The following ABLIM2 variants were observed in gnomAD, a reference collection of about 807,000 sequenced individuals.
ABLIM2 encodes actin-binding LIM protein 2.
A neutral mutation model predicts 97.7 loss-of-function variants in ABLIM2; 53 were observed. That is an observed-to-expected ratio of 0.54 (90% CI 0.44 to 0.68). ABLIM2 has a LOEUF of 0.68. Ranked by LOEUF, ABLIM2 falls within the 30% of genes least tolerant of loss-of-function variation. ABLIM2 has a pLI of 0.00. For missense variants in ABLIM2, 835 were observed against 867.2 expected, an observed-to-expected ratio of 0.96 and a Z score of 0.47; for synonymous variants, 361 against 345.8, an observed-to-expected ratio of 1.04 and a Z score of -0.49.
At chr4:8,156,920 T>C (rs1032185246) in intron 1 of ABLIM2, among the ~76,000 whole-genome samples, 1 of 152,188 alleles carries the variant, frequency 6.6e-6, no homozygotes, top group East Asian at 1.9e-4. Flanking sequence ...GGGCGACAGG[T>C]GGCCCGGAGA....
At chr4:8,007,992 T>G in intron 16 of ABLIM2, 67 bp downstream of exon 16, 1 of 1,595,586 alleles carries the variant, frequency 6.3e-7, no homozygotes. Context: ...AGCTCTGAGT[T>G]CTGGGGCCTC....
Position 8,023,579 on chromosome 4 carries a change from T to C in ABLIM2, c.1268-3276A>G, listed in dbSNP as rs1483776799. Among the ~76,000 whole-genome samples, 1 of 152,144 alleles carries C rather than the reference T, an allele frequency of 6.6e-6. No homozygotes were observed. The highest frequency in any genetic ancestry group is 1.5e-5 in the Non-Finnish European group (1 of 68,034). On this transcript the variant is annotated intron_variant, in intron 12 of 20. Transcript: ENST00000447017. This position sits in a 1 kb window ranked among gnomAD's most constrained non-coding sequence, Gnocchi z 5.7. ...ATGCTCGTCAGCCATGGTGGCCTGCTCCACGGTGGACTTGCTCCTTCTCTC... is the reference window on the plus strand; with the variant it reads ...ATGCTCGTCAGCCATGGTGGCCTGCCCCACGGTGGACTTGCTCCTTCTCTC...
Position 8,120,149 on chromosome 4 carries a change from G to A in ABLIM2, c.11-13512C>T, listed in dbSNP as rs1844672404. Reference sequence around the variant, plus strand: ...TCTGGGAGGCAGGAAGAGAAAAACAGCCCAGCGGCCACGCTGCCCCTTCCT... The same window carrying A: ...TCTGGGAGGCAGGAAGAGAAAAACAACCCAGCGGCCACGCTGCCCCTTCCT... On this transcript the variant is annotated intron_variant, in intron 1 of 20. Coordinates refer to ENST00000447017, the MANE Select transcript of ABLIM2 (RefSeq NM_001130083.2). The surrounding 1 kb of genome is among the most constrained non-coding windows in gnomAD (Gnocchi z 5.6). Among the ~76,000 whole-genome samples the A allele has an allele frequency of 6.6e-6, 1 of 152,138 alleles. No homozygotes were observed. Among genetic ancestry groups the A allele is most frequent in the Admixed American group, 6.5e-5 (1 of 15,276 alleles).
At chr4:8,135,577 G>T (rs370193584) in intron 1 of ABLIM2, among the ~76,000 whole-genome samples, 2 of 152,350 alleles carry the variant, frequency 1.3e-5, no homozygotes, top group African/African-American at 2.4e-5. Flanking sequence ...CCAGGAAGCA[G>T]TCCTTTCCAG....
At position 8,127,221 on chromosome 4, in the gene ABLIM2, C is replaced by T. The variant is rs1848371923; in HGVS notation, c.11-20584G>A. Among the ~76,000 whole-genome samples, 2 of 152,150 alleles carry T rather than the reference C, an allele frequency of 1.3e-5. No homozygotes were observed. Among genetic ancestry groups the T allele is most frequent in the Non-Finnish European group, 2.9e-5 (2 of 68,028 alleles). On this transcript the variant is annotated intron_variant, in intron 1 of 20. Transcript: ENST00000447017. The surrounding 1 kb of genome is among the most constrained non-coding windows in gnomAD (Gnocchi z 7.3). ...GCTGTGGTCAGTGGGTGCTGGAGTC[C>T]AGACGCAGCTCCGATACCAGCACCG...
chr4:8,109,889 C>G (rs1287368773), intron 1 of ABLIM2, among the ~76,000 whole-genome samples: 1 of 152,256 alleles, frequency 6.6e-6, no homozygotes, highest in East Asian at 1.9e-4. Flanking sequence ...CGTGGCCTTT[C>G]TCACTCTGGT....
chr4:8,111,560 G>C (rs79883273), intron 1 of ABLIM2, among the ~76,000 whole-genome samples: 7,413 of 152,314 alleles, frequency 0.049, 276 homozygotes, highest in Middle Eastern at 0.11. Flanking sequence ...GACGGGATGG[G>C]AGCACATCGG....
In ABLIM2 at chr4:8,122,918, G is replaced by A. The variant is rs537231488; in HGVS notation, c.11-16281C>T. On this transcript the variant is annotated intron_variant, in intron 1 of 20. Coordinates refer to ENST00000447017, the MANE Select transcript of ABLIM2 (RefSeq NM_001130083.2). This position sits in a 1 kb window ranked among gnomAD's most constrained non-coding sequence, Gnocchi z 4.1. ...GGGATGGGAGAGGGAGAGGGGTGAG[G>A]GGCGAACCAGCCCTAGGGGTGGCAA... Among the ~76,000 whole-genome samples, 31 of 152,178 alleles carry A rather than the reference G, an allele frequency of 2.0e-4. No individual in the cohort carries two copies. Among genetic ancestry groups the A allele is most frequent in the African/African-American group, 7.2e-4 (30 of 41,502 alleles).
intron 1 of ABLIM2, among the ~76,000 whole-genome samples, chr4:8,119,020 C>A (rs1312105366): frequency 1.3e-5 from 2 of 152,196 alleles, no homozygotes; most frequent in Non-Finnish European, 2.9e-5. Flanking sequence ...GTCAGGGCAC[C>A]TCTCTGAAAC....
intron 20 of ABLIM2, among the ~76,000 whole-genome samples, chr4:7,977,868 G>A (rs548796411): frequency 1.5e-4 from 23 of 152,032 alleles, no homozygotes; most frequent in African/African-American, 3.9e-4. Flanking sequence ...AGAAATATCC[G>A]TGTCAAATTT....
chr4:8,139,047 A>G (rs1347632045), intron 1 of ABLIM2, among the ~76,000 whole-genome samples: 2 of 152,154 alleles, frequency 1.3e-5, no homozygotes, highest in African/African-American at 4.8e-5. Flanking sequence ...AAATACAAAA[A>G]TTGCCGGACA....
chr4:7,987,664 CA>C (rs1031467161), intron 17 of ABLIM2, among the ~76,000 whole-genome samples: 12 of 152,206 alleles, frequency 7.9e-5, no homozygotes, highest in African/African-American at 2.7e-4. Flanking sequence ...TCTCCAGCAG[CA>C]AAACCAGCTT....
intron 14 of ABLIM2, chr4:8,010,583 C>T: frequency 1.0e-6 from 1 of 985,502 alleles, no homozygotes; most frequent in Non-Finnish European, 1.2e-6. Context: ...GAAGACTGAG[C>T]AGTTCCGTTC....
chr4:8,050,791 G>C (rs546200886), intron 8 of ABLIM2, among the ~76,000 whole-genome samples: 3 of 152,350 alleles, frequency 2.0e-5, no homozygotes, highest in Admixed American at 6.5e-5. Flanking sequence ...CCATTAGGCC[G>C]GGAGCCACGC....
rs947695879 is a variant in ABLIM2, at chr4:8,058,233, G to T, written c.763+2734C>A. 2.0e-5 allele frequency among the ~76,000 whole-genome samples: 3 copies of T among 152,260 alleles called. No individual in the cohort carries two copies. Among genetic ancestry groups the T allele is most frequent in the Non-Finnish European group, 4.4e-5 (3 of 68,048 alleles). On this transcript the variant is annotated intron_variant, in intron 7 of 20. Coordinates refer to ENST00000447017, the MANE Select transcript of ABLIM2 (RefSeq NM_001130083.2). The surrounding 1 kb of genome is among the most constrained non-coding windows in gnomAD (Gnocchi z 4.2). ...AAACCCCATGCAGAGCAAGGCCCCT[G>T]CCCAGACAGCCTGGCACTGCTGGGA...
intron 8 of ABLIM2, among the ~76,000 whole-genome samples, chr4:8,050,443 G>A (rs1248310190): frequency 6.6e-6 from 1 of 152,194 alleles, no homozygotes; most frequent in African/African-American, 2.4e-5. Context: ...TCTTGCTGAA[G>A]AGCAACCCTG....
chr4:8,106,757 C>A, intron 1 of ABLIM2, 120 bp from the exon 2 acceptor site: 2 of 1,243,994 alleles, frequency 1.6e-6, no homozygotes, highest in Non-Finnish European at 2.2e-6. Flanking sequence ...CCCACCAGCA[C>A]GAGCCGCACG....
intron 14 of ABLIM2, chr4:8,010,698 TCA>T: frequency 1.5e-6 from 1 of 677,598 alleles, no homozygotes; most frequent in Non-Finnish European, 1.8e-6. Flanking sequence ...CTCTCCCCAC[TCA>T]CAGAGGCAAA....
chr4:8,056,111 T>TA (rs1798902567), intron 7 of ABLIM2, among the ~76,000 whole-genome samples: 1 of 11,282 alleles, frequency 8.9e-5, no homozygotes, highest in African/African-American at 5.1e-4. Context: ...AGACTCTGTC[T>TA]CAAAAAAAAA....
Sources: gnomAD v4.1 joint callset for allele counts (sites outside exome capture counted in the v4.1 genomes callset) on GRCh38, gnomAD v4.1.1 for gene constraint, Gnocchi (gnomAD v3.1) non-coding constraint, MANE v1.5 for transcripts, NCBI Gene and HGNC (gene_info 2026-07-23, HGNC 2026-07-21) for gene names.